The following CCDC178 variants were observed in gnomAD, a reference collection of about 807,000 sequenced individuals.
CCDC178 encodes the protein coiled-coil domain-containing protein 178.
CCDC178 carries 126 observed loss-of-function variants against 117.4 expected under a neutral mutation model. That is an observed-to-expected ratio of 1.07 (90% confidence interval 0.93 to 1.24). The LOEUF (loss-of-function observed/expected upper bound fraction) is 1.24, where lower values mean the gene tolerates loss of function less well. Among genes scored for constraint, CCDC178 ranks in the 50% most tolerant of loss-of-function variants. The pLI, the probability that CCDC178 is intolerant of heterozygous loss-of-function variation, is 0.00. For missense variants in CCDC178, 1,030 were observed against 986.9 expected (o/e 1.04, Z -0.59); for synonymous variants, 283 against 313.4 (o/e 0.90, Z 1.02).
At chr18:33,409,242 G>C (rs766247228) in intron 3 of CCDC178, among the ~76,000 whole-genome samples, 11 of 151,962 alleles carry the variant, frequency 7.2e-5, no homozygotes, top group African/African-American at 1.9e-4. Context: ...ATACCATCAG[G>C]CCTGGCTAAT....
chr18:33,363,384 A>C (rs1213217287), intron 6 of CCDC178, among the ~76,000 whole-genome samples: 2 of 152,048 alleles, frequency 1.3e-5, no homozygotes, highest in Non-Finnish European at 2.9e-5. Flanking sequence ...ATAGGAACTC[A>C]GATCCATTTT....
At chr18:33,261,070 G>GT (rs879622129) in intron 14 of CCDC178, among the ~76,000 whole-genome samples, 66 of 108,524 alleles carry the variant, frequency 6.1e-4, no homozygotes, top group East Asian at 1.7e-3. Flanking sequence ...TAATATCAGG[G>GT]TTTTTTTTTT....
chr18:32,942,644 T>C (rs957523281), intron 22 of CCDC178, among the ~76,000 whole-genome samples: 1 of 152,194 alleles, frequency 6.6e-6, no homozygotes, highest in Non-Finnish European at 1.5e-5. Flanking sequence ...ACATGGTGAA[T>C]TGATCTTGCA....
intron 2 of CCDC178, among the ~76,000 whole-genome samples, chr18:33,416,951 T>G (rs2063950065): frequency 6.6e-6 from 1 of 151,952 alleles, no homozygotes. Context: ...AGTTGCAACA[T>G]GAAATGCTGG....
chr18:32,953,177 G>A lies in CCDC178; in HGVS notation c.2524-15086C>T, dbSNP rs548302714. Among the ~76,000 whole-genome samples, 308 of 152,304 alleles carry A rather than the reference G, an allele frequency of 2.0e-3. 1 individual carries two copies. The highest frequency in any genetic ancestry group is 6.8e-3 in the Middle Eastern group (2 of 294). ...TCTCTCTCAAGTTCCAAGTTCCACA[G>A]ATTTTTATGCCAGAGGCAAAATGCT... On this transcript the variant is annotated intron_variant, in intron 22 of 22. Transcript: ENST00000383096.
intron 12 of CCDC178, among the ~76,000 whole-genome samples, chr18:33,285,121 T>C (rs565283863): frequency 6.6e-6 from 1 of 152,094 alleles, no homozygotes; most frequent in Non-Finnish European, 1.5e-5. Context: ...TTAAAAATTT[T>C]AAAATCTAAT....
At chr18:32,985,539 C>T (rs989424407) in intron 21 of CCDC178, among the ~76,000 whole-genome samples, 1 of 151,908 alleles carries the variant, frequency 6.6e-6, no homozygotes, top group African/African-American at 2.4e-5. Flanking sequence ...TTTATAAACT[C>T]ATTTGCTGGC....
At chr18:33,367,868 A>G (rs968424221) in intron 6 of CCDC178, among the ~76,000 whole-genome samples, 1 of 152,010 alleles carries the variant, frequency 6.6e-6, no homozygotes, top group African/African-American at 2.4e-5. Flanking sequence ...AAAGTTTGTC[A>G]TTAGCATTTA....
chr18:33,379,096 CGT>C (rs2063400462), intron 5 of CCDC178, among the ~76,000 whole-genome samples: 6 of 82,842 alleles, frequency 7.2e-5, no homozygotes, highest in East Asian at 3.1e-4. Context: ...ATTTCTTTGC[CGT>C]ATATATATAT....
intron 5 of CCDC178, among the ~76,000 whole-genome samples, chr18:33,372,126 T>C (rs1332802914): frequency 1.3e-5 from 2 of 152,056 alleles, no homozygotes; most frequent in Non-Finnish European, 2.9e-5. Flanking sequence ...TAACATATGG[T>C]AAAGTAATGG....
At chr18:33,038,065 G>T (rs1424165629) in intron 21 of CCDC178, among the ~76,000 whole-genome samples, 1 of 151,786 alleles carries the variant, frequency 6.6e-6, no homozygotes, top group Non-Finnish European at 1.5e-5. Context: ...ACACCTCCCA[G>T]TTTTTTCAAT....
chr18:33,314,158 G>C (rs923038860), intron 11 of CCDC178, among the ~76,000 whole-genome samples: 1 of 121,144 alleles, frequency 8.3e-6, no homozygotes, highest in African/African-American at 3.2e-5. Flanking sequence ...CCGAGATCCC[G>C]CCACTGCACT....
intron 20 of CCDC178, among the ~76,000 whole-genome samples, chr18:33,143,181 T>C (rs2058228872): frequency 6.6e-6 from 1 of 152,130 alleles, no homozygotes; most frequent in Non-Finnish European, 1.5e-5. Context: ...GCAGAGTTTA[T>C]TGGGCAAAAC....
At chr18:33,319,456 G>C (rs1168265440) in intron 11 of CCDC178, among the ~76,000 whole-genome samples, 1 of 152,056 alleles carries the variant, frequency 6.6e-6, no homozygotes, top group African/African-American at 2.4e-5. Flanking sequence ...GGACATTTGG[G>C]TTGGTTCCAA....
intron 20 of CCDC178, among the ~76,000 whole-genome samples, chr18:33,183,520 C>G (rs189745935): frequency 6.6e-6 from 1 of 151,870 alleles, no homozygotes; most frequent in East Asian, 1.9e-4. Flanking sequence ...AAAATTGGCA[C>G]GGTATGATTG....
rs1465266392 is a variant in CCDC178, at chr18:33,370,052, T to C, written c.346A>G (p.Arg116Gly). The C allele has an allele frequency of 1.3e-6, 2 of 1,577,094 alleles. No homozygotes were observed. The highest frequency in any genetic ancestry group is 1.9e-5 in the Admixed American group (1 of 52,820). Reference protein sequence around the residue: ...VESKIQEHLKRFETSFEEWSR... With the variant: ...VESKIQEHLKGFETSFEEWSR... Reference sequence around the variant, plus strand: ...AGCATTTTAAATTAGTCTCTTACCCTTTTCAAATGCTCCTGTATTTTGGAC... The same window carrying C: ...AGCATTTTAAATTAGTCTCTTACCCCTTTCAAATGCTCCTGTATTTTGGAC... Residue 116 changes from arginine (R) to glycine (G), a missense_variant and splice_region_variant, in exon 6 of 23, where the codon AGG becomes GGG. Arg to Gly is a moderately radical substitution (Grantham distance 125). Coordinates refer to ENST00000383096, the MANE Select transcript of CCDC178 (RefSeq NM_001105528.4).
At chr18:33,031,709 T>C (rs2056346878) in intron 21 of CCDC178, among the ~76,000 whole-genome samples, 1 of 152,124 alleles carries the variant, frequency 6.6e-6, no homozygotes, top group Non-Finnish European at 1.5e-5. Flanking sequence ...GCAAATATGT[T>C]ATAATGATTC....
At chr18:33,198,055 T>C (rs923463828) in intron 20 of CCDC178, among the ~76,000 whole-genome samples, 1 of 152,162 alleles carries the variant, frequency 6.6e-6, no homozygotes, top group Non-Finnish European at 1.5e-5. Flanking sequence ...ATGTTCTCTA[T>C]AAGCAAATAA....
intron 14 of CCDC178, among the ~76,000 whole-genome samples, chr18:33,249,794 A>G (rs1003901492): frequency 6.6e-6 from 1 of 151,986 alleles, no homozygotes; most frequent in African/African-American, 2.4e-5. Context: ...GTTTTTTCCA[A>G]TTCTGTGAAG....
Sources: gnomAD v4.1 joint callset for allele counts (sites outside exome capture counted in the v4.1 genomes callset) on GRCh38, gnomAD v4.1.1 for gene constraint, MANE v1.5 for transcripts, NCBI Gene and HGNC (gene_info 2026-07-23, HGNC 2026-07-21) for gene names.